Variants in PRKDC observed in about 807,000 individuals in gnomAD.
PRKDC encodes the protein protein kinase, DNA-activated, catalytic subunit.
A neutral mutation model predicts 486.9 loss-of-function variants in PRKDC; 82 were observed. The observed-to-expected ratio is 0.17, with a 90% CI of 0.14 to 0.20. The LOEUF is 0.20. Ranked by LOEUF, PRKDC falls within the 10% of genes least tolerant of loss-of-function variation. The probability of loss-of-function intolerance (pLI) is 1.00; values close to 1 mark genes in which losing one functional copy is unlikely to be tolerated. For missense variants in PRKDC, 4,504 were observed against 5,038.2 expected, an observed-to-expected ratio of 0.89 and a Z score of 3.21; for synonymous variants, 1,895 against 1,837.0, an observed-to-expected ratio of 1.03 and a Z score of -0.81.
At position 47,789,007 on chromosome 8, in the gene PRKDC, C is replaced by T; in HGVS notation, c.10801G>A (p.Val3601Ile). ...DVRAELAKTP[V>I]NKKNIEKMYE... Reference sequence around the variant, plus strand: ...ATTTTTTCAATGTTTTTTTTATTTACAGGGGTTTTTGCTAGTTCAGCTCTT... The same window carrying T: ...ATTTTTTCAATGTTTTTTTTATTTATAGGGGTTTTTGCTAGTTCAGCTCTT... The change falls in exon 76 of 86, where the codon GTA becomes ATA. Residue 3601 changes from valine (V) to isoleucine (I), a missense_variant. This residue lies in a region of PRKDC where 706 missense variants were observed against 945.0 expected (regional missense o/e 0.75). Transcript: ENST00000314191. 1 of 1,612,480 alleles carries T rather than the reference C, an allele frequency of 6.2e-7. No homozygotes were observed.
Position 47,955,963 on chromosome 8 carries a change from A to G in PRKDC, c.325-15T>C. On this transcript the variant is annotated splice_polypyrimidine_tract_variant and intron_variant, in intron 3 of 85. Coordinates refer to ENST00000314191, the MANE Select transcript of PRKDC (RefSeq NM_006904.7). ...GTACAAGTGTTCTAGGTTTTAAAAA[A>G]AAAATAACCAAAATCATCAATAAGA... The G allele has an allele frequency of 6.6e-7, 1 of 1,521,710 alleles. No homozygotes were observed. Among genetic ancestry groups the G allele is most frequent in the Non-Finnish European group, 9.0e-7 (1 of 1,113,870 alleles). 94.3% of individuals were successfully genotyped at this position (1,521,710 alleles called of 1,614,324 possible). A position where few individuals can be genotyped will look rare whatever the true frequency, so the allele number is the denominator to read the frequency against.
chr8:47,883,412 C>A (rs2089264065), intron 36 of PRKDC, among the ~76,000 whole-genome samples: 1 of 152,180 alleles, frequency 6.6e-6, no homozygotes, highest in African/African-American at 2.4e-5. Flanking sequence ...TGTTTCTGTG[C>A]ACCATGCTGG....
chr8:47,915,885 C>T (rs542784211), intron 22 of PRKDC, among the ~76,000 whole-genome samples: 1 of 152,278 alleles, frequency 6.6e-6, no homozygotes, highest in East Asian at 1.9e-4. Flanking sequence ...TGATATCACA[C>T]CAAAACTGAA....
intron 29 of PRKDC, 94 bp downstream of exon 29, chr8:47,898,376 A>G (rs879902545): frequency 6.1e-5 from 61 of 1,001,358 alleles, no homozygotes; most frequent in Non-Finnish European, 8.3e-5. Context: ...GTAATTCCTT[A>G]TACTTCCACA....
At chr8:47,865,106 G>T (rs1184447511) in intron 40 of PRKDC, among the ~76,000 whole-genome samples, 1 of 152,194 alleles carries the variant, frequency 6.6e-6, no homozygotes, top group Admixed American at 6.5e-5. Context: ...CTCAGAAGTT[G>T]GCTGGGCGTG....
intron 7 of PRKDC, among the ~76,000 whole-genome samples, chr8:47,944,659 A>G (rs751887045): frequency 1.3e-5 from 2 of 152,176 alleles, no homozygotes; most frequent in Non-Finnish European, 2.9e-5. Flanking sequence ...TGACATCACA[A>G]TTATTTGCAT....
At chr8:47,853,377 T>C (rs2088458803) in intron 51 of PRKDC, among the ~76,000 whole-genome samples, 1 of 152,184 alleles carries the variant, frequency 6.6e-6, no homozygotes, top group African/African-American at 2.4e-5. Context: ...GGTCCGACGG[T>C]GCTGGGGGGC....
chr8:47,778,654 G>C lies in PRKDC; in HGVS notation c.11658C>G (p.Ala3886=). The part of the protein sequence containing the change: ...SKVPADLLKR[A]FVRMSTSPEA... ...CAGGGCTTGTACTCATCCTCACGAAGGCCCGCCTACAAAAGAGACACAGCT... is the reference window on the plus strand; with the variant it reads ...CAGGGCTTGTACTCATCCTCACGAACGCCCGCCTACAAAAGAGACACAGCT... The change falls in exon 83 of 86, where the codon GCC becomes GCG. Residue 3886 remains alanine (A), a synonymous_variant. Transcript: ENST00000314191. 6.2e-7 allele frequency: 1 copy of C among 1,613,380 alleles called. No homozygotes were observed. The highest frequency in any genetic ancestry group is 8.5e-7 in the Non-Finnish European group (1 of 1,179,620).
chr8:47,949,473 A>G (rs890981676), intron 7 of PRKDC, among the ~76,000 whole-genome samples: 2 of 152,208 alleles, frequency 1.3e-5, no homozygotes, highest in Admixed American at 6.5e-5. Context: ...TTAACACACA[A>G]TAAATGAGCA....
chr8:47,848,643 T>C (rs113277161), intron 54 of PRKDC, among the ~76,000 whole-genome samples: 3 of 141,368 alleles, frequency 2.1e-5, no homozygotes, highest in African/African-American at 7.9e-5. Flanking sequence ...AAATAAAAGT[T>C]GAAAAAAATG....
chr8:47,832,647 T>C (rs989843205), intron 59 of PRKDC, among the ~76,000 whole-genome samples: 12 of 152,056 alleles, frequency 7.9e-5, no homozygotes, highest in African/African-American at 2.4e-4. Context: ...GGAAAAAATA[T>C]GACACCTCAG....
At chr8:47,784,885 G>A (rs1379098573) in intron 77 of PRKDC, among the ~76,000 whole-genome samples, 2 of 152,158 alleles carry the variant, frequency 1.3e-5, no homozygotes, top group Middle Eastern at 3.4e-3. Flanking sequence ...CTGAACTTTT[G>A]TCAGAATCAG....
Position 47,881,492 on chromosome 8 carries a change from C to G in PRKDC, c.4991G>C (p.Ser1664Thr). The change falls in exon 38 of 86, where the codon AGT (serine) becomes ACT (threonine). Residue 1664 changes from serine to threonine, a missense_variant. Around this residue, in one of 6 missense-constraint regions of PRKDC, gnomAD observed 1,969 missense variants for 2,068.9 expected, o/e 0.95. Transcript: ENST00000314191. ...QIDSSVSFNT[S>T]HGSFPEVFTT... ...AAAGACTTCAGGGAATGAACCATGA[C>G]TTGTATTAAAAGATACAGATGAATC... is the stretch of plus-strand genomic sequence containing the variant. 6.4e-7 allele frequency: 1 copy of G among 1,562,956 alleles called. No individual in the cohort carries two copies. The highest frequency in any genetic ancestry group is 8.8e-7 in the Non-Finnish European group (1 of 1,142,454).
chr8:47,791,861 A>C (rs1036887226), intron 74 of PRKDC, among the ~76,000 whole-genome samples: 1 of 152,210 alleles, frequency 6.6e-6, no homozygotes, highest in African/African-American at 2.4e-5. Flanking sequence ...ATATATACCC[A>C]AAAGAAAGGA....
At chr8:47,892,519 T>C (rs918470988) in intron 31 of PRKDC, among the ~76,000 whole-genome samples, 1 of 152,042 alleles carries the variant, frequency 6.6e-6, no homozygotes, top group Non-Finnish European at 1.5e-5. Flanking sequence ...TTTGTACAGA[T>C]AGTGTCTCGC....
In PRKDC at chr8:47,927,822, C is replaced by T; in HGVS notation, c.2208G>A (p.Leu736=). The T allele has an allele frequency of 6.3e-7, 1 of 1,593,880 alleles. No homozygotes were observed. The highest frequency in any genetic ancestry group is 8.5e-7 in the Non-Finnish European group (1 of 1,171,626). Residue 736 remains leucine (L), a synonymous_variant, in exon 20 of 86, where the codon TTG becomes TTA. Transcript: ENST00000314191. The part of the protein sequence containing the change: ...LASCLTFLLS[L]PHNIIELDVR... ...CATCGAGTTCAATGATGTTGTGTGG[C>T]AAGGACAGAAGAAAGGTCAAACAAG...
chr8:47,883,801 A>G (rs919655864), intron 36 of PRKDC, among the ~76,000 whole-genome samples: 1 of 152,162 alleles, frequency 6.6e-6, no homozygotes, highest in Non-Finnish European at 1.5e-5. Context: ...CTCACTGAAC[A>G]GGCCTTGCCA....
At chr8:47,959,203 T>G (rs2090766924) in intron 1 of PRKDC, 1 of 152,208 alleles carries the variant, frequency 6.6e-6, no homozygotes, top group Non-Finnish European at 1.5e-5. Flanking sequence ...TTTGAATATT[T>G]AAAATGCTAA....
chr8:47,931,631 C>T (rs2090255850), intron 16 of PRKDC, among the ~76,000 whole-genome samples: 1 of 152,182 alleles, frequency 6.6e-6, no homozygotes, highest in South Asian at 2.1e-4. Flanking sequence ...GATGTGACCA[C>T]CGGCTTGTAC....
Sources: allele counts gnomAD v4.1 joint callset (sites outside exome capture counted in the v4.1 genomes callset), GRCh38; gene constraint gnomAD v4.1.1; regional missense constraint gnomAD v4.1.1; transcripts MANE v1.5; gene names NCBI Gene and HGNC (gene_info 2026-07-23, HGNC 2026-07-21).